TRPV4: variants seen among roughly 807,000 people sequenced by gnomAD.
The protein encoded by TRPV4 is OSM9-like transient receptor potential channel 4.
In TRPV4, 58 loss-of-function variants were observed where a neutral mutation model predicts 84.1. That is an observed-to-expected ratio of 0.69 (90% CI 0.56 to 0.86). The LOEUF is 0.86. Among genes scored for constraint, TRPV4 ranks in the 40% least tolerant of loss-of-function variants. TRPV4 has a pLI of 0.00. For missense variants in TRPV4, 879 were observed against 1,181.1 expected, an observed-to-expected ratio of 0.74 and a Z score of 3.75; for synonymous variants, 489 against 500.9, an observed-to-expected ratio of 0.98 and a Z score of 0.32.
At chr12:109,827,711 T>C (rs1395266929) in intron 1 of TRPV4, among the ~76,000 whole-genome samples, 1 of 151,790 alleles carries the variant, frequency 6.6e-6, no homozygotes, top group African/African-American at 2.4e-5. Flanking sequence ...CATACACATG[T>C]ATATACATAC....
intron 5 of TRPV4, among the ~76,000 whole-genome samples, chr12:109,799,305 C>T (rs1020420243): frequency 6.6e-6 from 1 of 152,126 alleles, no homozygotes; most frequent in African/African-American, 2.4e-5. Flanking sequence ...CACGCCACCA[C>T]ACCTGGCTAA....
At chr12:109,799,350 T>C (rs975733616) in intron 5 of TRPV4, among the ~76,000 whole-genome samples, 4 of 152,166 alleles carry the variant, frequency 2.6e-5, no homozygotes, top group Admixed American at 6.5e-5. Flanking sequence ...GATTTCGCCA[T>C]GTTGGCCAGG....
intron 4 of TRPV4, among the ~76,000 whole-genome samples, chr12:109,801,687 T>C (rs1460316009): frequency 2.6e-5 from 4 of 151,964 alleles, no homozygotes; most frequent in African/African-American, 9.7e-5. Flanking sequence ...AAAATTAGCC[T>C]GGCATGGTGG....
intron 5 of TRPV4, among the ~76,000 whole-genome samples, chr12:109,799,151 T>G (rs941212246): frequency 1.3e-5 from 2 of 151,110 alleles, no homozygotes; most frequent in Non-Finnish European, 2.9e-5. Context: ...AATGATGGAA[T>G]TCTTTTTTTT....
chr12:109,815,158 T>G lies in TRPV4; in HGVS notation c.-31-331A>C, dbSNP rs1891788875. Among the ~76,000 whole-genome samples the G allele has an allele frequency of 6.6e-6, 1 of 152,240 alleles. No homozygotes were observed. Among genetic ancestry groups the G allele is most frequent in the Non-Finnish European group, 1.5e-5 (1 of 68,034 alleles). On this transcript the variant is annotated intron_variant, in intron 1 of 15. Coordinates refer to ENST00000261740, the MANE Select transcript of TRPV4 (RefSeq NM_021625.5). The surrounding 1 kb of genome is among the most constrained non-coding windows in gnomAD (Gnocchi z 4.1). ...TACTGCTGACCAAGAAAGCCAGCTT[T>G]GGAGCCCCAGAGAGCCAAGTTCAAA...
At chr12:109,794,719 A>G (rs1330783930) in intron 7 of TRPV4, among the ~76,000 whole-genome samples, 1 of 152,174 alleles carries the variant, frequency 6.6e-6, no homozygotes, top group Admixed American at 6.5e-5. Flanking sequence ...AAGTCCCTTA[A>G]AAGACATTTA....
At chr12:109,799,604 C>T (rs1232708398) in intron 5 of TRPV4, among the ~76,000 whole-genome samples, 1 of 152,182 alleles carries the variant, frequency 6.6e-6, no homozygotes, top group Non-Finnish European at 1.5e-5. Flanking sequence ...CAGCATAAAC[C>T]AGATTAAAGC....
chr12:109,797,720 T>C (rs755326231), intron 6 of TRPV4, among the ~76,000 whole-genome samples: 1 of 152,184 alleles, frequency 6.6e-6, no homozygotes, highest in Non-Finnish European at 1.5e-5. Flanking sequence ...TGGTTTTTAT[T>C]TATTTGGGAT....
chr12:109,808,564 A>G (rs3742032), intron 2 of TRPV4, 96 bp from the exon 3 acceptor site: 727,847 of 1,268,752 alleles, frequency 0.57, 215,839 homozygotes, highest in East Asian at 0.96. Flanking sequence ...GGTGGCGGGC[A>G]GGCAGCTGAA....
Position 109,809,652 on chromosome 12 carries a change from C to CCAT in TRPV4, c.387-1185_387-1184insATG, listed in dbSNP as rs1565880139. On this transcript the variant is annotated intron_variant, in intron 2 of 15. Coordinates refer to ENST00000261740, the MANE Select transcript of TRPV4 (RefSeq NM_021625.5). ...ATCCATCTGCCTATCCACCCACCCA[C>CCAT]CCATCCATCCATCCATCCATCCATC... is the stretch of plus-strand genomic sequence containing the variant. Among the ~76,000 whole-genome samples the CCAT allele has an allele frequency of 1.1e-4, 17 of 148,406 alleles. No individual in the cohort carries two copies. In the East Asian group the frequency reaches 2.1e-3, roughly 18 times the overall value.
intron 3 of TRPV4, among the ~76,000 whole-genome samples, chr12:109,803,367 T>G (rs1336653555): frequency 1.3e-5 from 2 of 152,350 alleles, no homozygotes; most frequent in East Asian, 3.9e-4. Flanking sequence ...TTAGGTGCTT[T>G]GAAATGTGAG....
chr12:109,814,370 C>T lies in TRPV4; in HGVS notation c.386+41G>A. 6.2e-7 allele frequency: 1 copy of T among 1,604,710 alleles called. No individual in the cohort carries two copies. The highest frequency in any genetic ancestry group is 1.3e-5 in the African/African-American group (1 of 74,862). Reference sequence around the variant, plus strand: ...TGGATGATGAATGGGTGAATGGATACAGAGGAGGAGACCACAGGCCAGGAA... The same window carrying T: ...TGGATGATGAATGGGTGAATGGATATAGAGGAGGAGACCACAGGCCAGGAA... On this transcript the variant is annotated intron_variant, in intron 2 of 15. Coordinates refer to ENST00000261740, the MANE Select transcript of TRPV4 (RefSeq NM_021625.5). This position sits in a 1 kb window ranked among gnomAD's most constrained non-coding sequence, Gnocchi z 5.4.
chr12:109,808,223 AGGGG>A, intron 3 of TRPV4, 69 bp downstream of exon 3: 4 of 1,567,142 alleles, frequency 2.6e-6, no homozygotes, highest in Non-Finnish European at 3.5e-6. Context: ...CTGAGGGGAA[AGGGG>A]GCCCCCAATG....
chr12:109,818,067 AC>A (rs1235688107), intron 1 of TRPV4, among the ~76,000 whole-genome samples: 1 of 151,892 alleles, frequency 6.6e-6, no homozygotes, highest in Non-Finnish European at 1.5e-5. Context: ...CTGAGGTCAC[AC>A]AGCAGGTTAG....
At chr12:109,820,516 A>ATT (rs1166251387) in intron 1 of TRPV4, among the ~76,000 whole-genome samples, 1,359 of 92,274 alleles carry the variant, frequency 0.015, 9 homozygotes, top group Non-Finnish European at 0.017. Flanking sequence ...CAGCTGCCCT[A>ATT]TTTTTTTTTT....
intron 2 of TRPV4, among the ~76,000 whole-genome samples, chr12:109,813,082 T>C (rs1424005664): frequency 6.6e-6 from 1 of 152,030 alleles, no homozygotes; most frequent in Non-Finnish European, 1.5e-5. Flanking sequence ...AGTAGATTAA[T>C]GGGGGACAGA....
intron 1 of TRPV4, among the ~76,000 whole-genome samples, chr12:109,821,005 G>A (rs757818412): frequency 5.3e-5 from 8 of 152,206 alleles, no homozygotes; most frequent in South Asian, 4.1e-4. Context: ...CCCAACTTGC[G>A]GAGGGTGGAA....
At position 109,798,552 on chromosome 12, in the gene TRPV4, C is replaced by CGT; in HGVS notation, c.1152+60_1152+61dup. 1.3e-6 allele frequency: 2 copies of CGT among 1,586,438 alleles called. No individual in the cohort carries two copies. The highest frequency in any genetic ancestry group is 1.7e-6 in the Non-Finnish European group (2 of 1,167,074). ...ATAATGAATACCAGCAGCAGACCCT[C>CGT]GTGTGTGTGTGCAGAGGGGTACGAG... On this transcript the variant is annotated intron_variant, in intron 6 of 15. Coordinates refer to ENST00000261740, the MANE Select transcript of TRPV4 (RefSeq NM_021625.5). This position sits in a 1 kb window ranked among gnomAD's most constrained non-coding sequence, Gnocchi z 5.0.
chr12:109,824,126 A>C (rs1451945225), intron 1 of TRPV4, among the ~76,000 whole-genome samples: 1 of 151,934 alleles, frequency 6.6e-6, no homozygotes, highest in Non-Finnish European at 1.5e-5. Context: ...CCGCTGCGCC[A>C]GCTAATTTTT....
Sources: gnomAD v4.1 joint callset for allele counts (sites outside exome capture counted in the v4.1 genomes callset) on GRCh38, gnomAD v4.1.1 for gene constraint, Gnocchi (gnomAD v3.1) non-coding constraint, MANE v1.5 for transcripts, NCBI Gene and HGNC (gene_info 2026-07-23, HGNC 2026-07-21) for gene names.